Variants in NKAIN1 observed in about 807,000 individuals in gnomAD.
NKAIN1 encodes the protein sodium/potassium-transporting ATPase subunit beta-1-interacting protein 1.
Under a neutral mutation model 31.6 loss-of-function variants are expected in NKAIN1, and 13 were observed. The observed-to-expected ratio is 0.41, with a 90% confidence interval of 0.27 to 0.65. The LOEUF (loss-of-function observed/expected upper bound fraction) is 0.65, where lower values mean the gene tolerates loss of function less well. Among genes scored for constraint, NKAIN1 ranks in the 30% least tolerant of loss-of-function variants. The pLI is 0.30. For missense variants in NKAIN1, 193 were observed against 262.2 expected (o/e 0.74, Z 1.82); for synonymous variants, 104 against 109.0 (o/e 0.95, Z 0.28).
intron 1 of NKAIN1, among the ~76,000 whole-genome samples, chr1:31,229,728 C>T (rs1645631911): frequency 6.6e-6 from 1 of 152,078 alleles, no homozygotes; most frequent in Non-Finnish European, 1.5e-5. Flanking sequence ...CAGAAGTCTC[C>T]TCCTGACCCC....
At chr1:31,198,480 C>G (rs1239391560) in intron 1 of NKAIN1, among the ~76,000 whole-genome samples, 2 of 152,120 alleles carry the variant, frequency 1.3e-5, no homozygotes, top group African/African-American at 4.8e-5. Context: ...AGGTTTCAGT[C>G]TCCCTCATGC....
chr1:31,212,098 A>G (rs1195521113), intron 1 of NKAIN1, among the ~76,000 whole-genome samples: 2 of 152,204 alleles, frequency 1.3e-5, no homozygotes, highest in Admixed American at 6.5e-5. Flanking sequence ...GTACTAGCAT[A>G]AGGATAGACA....
chr1:31,229,638 C>T (rs1041023863), intron 1 of NKAIN1, among the ~76,000 whole-genome samples: 3 of 152,014 alleles, frequency 2.0e-5, no homozygotes. Flanking sequence ...GACAGACAGA[C>T]AGACAGGAGA....
intron 1 of NKAIN1, among the ~76,000 whole-genome samples, chr1:31,210,118 T>C (rs1645456300): frequency 6.6e-6 from 1 of 151,846 alleles, no homozygotes; most frequent in South Asian, 2.1e-4. Flanking sequence ...AAATTCAGGG[T>C]AGAATGATGC....
rs557784917 is a variant in NKAIN1 at position 31,181,777 on chromosome 1, T to C, written c.615-65A>G. Reference sequence around the variant, plus strand: ...AAAGTATGGGGGCGGAGAGACCCGGTTGCCCTGCCCACTCCTCCATCCCCT... The same window carrying C: ...AAAGTATGGGGGCGGAGAGACCCGGCTGCCCTGCCCACTCCTCCATCCCCT... On this transcript the variant is annotated intron_variant, in intron 6 of 6. Coordinates refer to ENST00000373736, the MANE Select transcript of NKAIN1 (RefSeq NM_024522.3). The C allele has an allele frequency of 2.6e-6, 4 of 1,547,338 alleles. No individual in the cohort carries two copies. In the Admixed American group the frequency reaches 5.9e-5, roughly 23 times the overall value.
At chr1:31,183,582 G>GGGATT (rs1645220011) in intron 4 of NKAIN1, among the ~76,000 whole-genome samples, 1 of 151,782 alleles carries the variant, frequency 6.6e-6, no homozygotes, top group African/African-American at 2.4e-5. Context: ...CTGAGTAGCT[G>GGGATT]GGATTACAGG....
intron 3 of NKAIN1, 46 bp from the exon 4 acceptor site, chr1:31,184,060 G>T (rs752527726): frequency 3.0e-5 from 46 of 1,549,198 alleles, no homozygotes; most frequent in Middle Eastern, 2.1e-4. Context: ...GGAGAGGGAG[G>T]GGGGAGCTAC....
intron 1 of NKAIN1, among the ~76,000 whole-genome samples, chr1:31,223,463 C>T (rs969197135): frequency 4.0e-5 from 6 of 151,446 alleles, no homozygotes; most frequent in Admixed American, 3.3e-4. Context: ...GTTTTTGAGA[C>T]GGAGTCTCGC....
At chr1:31,223,635 G>A (rs1251381225) in intron 1 of NKAIN1, among the ~76,000 whole-genome samples, 1 of 152,022 alleles carries the variant, frequency 6.6e-6, no homozygotes, top group South Asian at 2.1e-4. Flanking sequence ...TAGTAGAGAC[G>A]GGGTTTCACC....
At chr1:31,213,047 T>TG (rs1394535228) in intron 1 of NKAIN1, among the ~76,000 whole-genome samples, 6 of 150,310 alleles carry the variant, frequency 4.0e-5, no homozygotes, top group African/African-American at 1.5e-4. Flanking sequence ...CTTTTGTTTT[T>TG]TTTTTTTTTG....
intron 1 of NKAIN1, among the ~76,000 whole-genome samples, chr1:31,204,944 G>T (rs907754279): frequency 3.9e-5 from 6 of 152,114 alleles, no homozygotes; most frequent in Non-Finnish European, 8.8e-5. Flanking sequence ...TCTGCACTCG[G>T]GCAGGCCTGG....
Position 31,239,426 on chromosome 1 carries a change from C to A in NKAIN1, c.54+68G>T. 1 of 1,255,056 alleles carries A rather than the reference C, an allele frequency of 8.0e-7. No homozygotes were observed. Among genetic ancestry groups the A allele is most frequent in the Non-Finnish European group, 1.0e-6 (1 of 955,834 alleles). 77.7% of individuals were successfully genotyped at this position (1,255,056 alleles called of 1,614,324 possible). On this transcript the variant is annotated intron_variant, in intron 1 of 6. Coordinates refer to ENST00000373736, the MANE Select transcript of NKAIN1 (RefSeq NM_024522.3). This position sits in a 1 kb window ranked among gnomAD's most constrained non-coding sequence, Gnocchi z 4.8. ...ACACAGAGACACACGCAACCCCACC[C>A]GCACGCCCTGGGACCGCGCCCCGCC...
intron 1 of NKAIN1, among the ~76,000 whole-genome samples, chr1:31,228,989 C>G (rs549130803): frequency 1.3e-5 from 2 of 152,268 alleles, no homozygotes; most frequent in African/African-American, 4.8e-5. Context: ...AAGCTGCTAA[C>G]AGAGTTCAGT....
At chr1:31,236,027 T>G (rs1251495320) in intron 1 of NKAIN1, among the ~76,000 whole-genome samples, 1 of 152,168 alleles carries the variant, frequency 6.6e-6, no homozygotes, top group Admixed American at 6.5e-5. Flanking sequence ...GCCAGAGTGC[T>G]AAATTCATTA....
intron 1 of NKAIN1, among the ~76,000 whole-genome samples, chr1:31,194,637 C>A (rs1645309877): frequency 6.6e-6 from 1 of 151,752 alleles, no homozygotes; most frequent in Non-Finnish European, 1.5e-5. Context: ...AAACTCCCGA[C>A]CTCAGGTGAT....
chr1:31,213,198 G>C (rs2148360119), intron 1 of NKAIN1, among the ~76,000 whole-genome samples: 1 of 150,788 alleles, frequency 6.6e-6, no homozygotes, highest in Middle Eastern at 3.5e-3. Context: ...CATCTAATAA[G>C]TGTCCAAAAT....
intron 1 of NKAIN1, among the ~76,000 whole-genome samples, chr1:31,229,518 T>C (rs1645630619): frequency 6.6e-6 from 1 of 152,138 alleles, no homozygotes; most frequent in Non-Finnish European, 1.5e-5. Context: ...GACAGGTGCA[T>C]GCTACCATGC....
intron 1 of NKAIN1, among the ~76,000 whole-genome samples, chr1:31,201,229 T>C (rs953408708): frequency 1.1e-4 from 17 of 152,082 alleles, no homozygotes; most frequent in African/African-American, 4.1e-4. Context: ...ATCTGTCCCA[T>C]TAGGAAACAA....
chr1:31,182,730 A>T, intron 4 of NKAIN1, 140 bp from the exon 5 acceptor site: 1 of 764,140 alleles, frequency 1.3e-6, no homozygotes, highest in Non-Finnish European at 2.2e-6. Context: ...TTCCAATTAA[A>T]TGTTTTCACC....
Sources: allele counts gnomAD v4.1 joint callset (sites outside exome capture counted in the v4.1 genomes callset), GRCh38; gene constraint gnomAD v4.1.1; non-coding constraint Gnocchi (gnomAD v3.1); transcripts MANE v1.5; gene names NCBI Gene and HGNC (gene_info 2026-07-23, HGNC 2026-07-21).